Variants in SLC22A23 observed in about 807,000 individuals in gnomAD.
The protein encoded by SLC22A23 is solute carrier family 22 member 23, also known as ion transporter protein.
A neutral mutation model predicts 61.0 loss-of-function variants in SLC22A23; 26 were observed. The observed-to-expected ratio is 0.43, with a 90% CI of 0.31 to 0.59. The LOEUF is 0.59. Ranked by LOEUF, SLC22A23 falls within the 20% of genes least tolerant of loss-of-function variation. The pLI is 0.11. For synonymous variants in SLC22A23, 430 were observed against 413.9 expected (o/e 1.04, Z -0.47); for missense variants, 796 against 934.7 (o/e 0.85, Z 1.94).
Position 3,360,509 on chromosome 6 carries a change from C to A in SLC22A23, c.914-36507G>T, listed in dbSNP as rs1428101114. Among the ~76,000 whole-genome samples the A allele has an allele frequency of 1.3e-5, 2 of 152,248 alleles. No homozygotes were observed. Among genetic ancestry groups the A allele is most frequent in the Non-Finnish European group, 2.9e-5 (2 of 68,038 alleles). ...GTCTCATCTGCCTTAAAATACAGAA[C>A]TGCATTCTCATAGTCGGGTTTCAGG... On this transcript the variant is annotated intron_variant, in intron 3 of 9. Coordinates refer to ENST00000406686, the MANE Select transcript of SLC22A23 (RefSeq NM_015482.2). The surrounding 1 kb of genome is among the most constrained non-coding windows in gnomAD (Gnocchi z 4.6).
chr6:3,435,658 C>T (rs1271831011), intron 1 of SLC22A23, among the ~76,000 whole-genome samples: 2 of 152,184 alleles, frequency 1.3e-5, no homozygotes, highest in Admixed American at 6.5e-5. Context: ...TCCAGAGATG[C>T]GACTGCCTCC....
chr6:3,422,613 T>C (rs993706780), intron 1 of SLC22A23, among the ~76,000 whole-genome samples: 2 of 152,226 alleles, frequency 1.3e-5, no homozygotes, highest in Admixed American at 1.3e-4. Flanking sequence ...GGAGGTTTGC[T>C]GTCAACAGTA....
chr6:3,331,111 G>A (rs986992031), intron 3 of SLC22A23, among the ~76,000 whole-genome samples: 2 of 152,210 alleles, frequency 1.3e-5, no homozygotes, highest in African/African-American at 4.8e-5. Flanking sequence ...TACATGAGAG[G>A]ACCCTGAAAC....
intron 1 of SLC22A23, among the ~76,000 whole-genome samples, chr6:3,433,106 T>G (rs13206690): frequency 0.3 from 45,995 of 151,862 alleles, 8,060 homozygotes; most frequent in East Asian, 0.47. Flanking sequence ...GGAGGATAAA[T>G]AGGTCTTCAT....
intron 3 of SLC22A23, among the ~76,000 whole-genome samples, chr6:3,374,493 T>G (rs1406807755): frequency 6.6e-6 from 1 of 152,178 alleles, no homozygotes; most frequent in Admixed American, 6.5e-5. Context: ...GAGCCAGCAA[T>G]GAGGGCGACA....
At chr6:3,449,939 G>A (rs185087904) in intron 1 of SLC22A23, among the ~76,000 whole-genome samples, 21 of 152,338 alleles carry the variant, frequency 1.4e-4, no homozygotes, top group Admixed American at 1.2e-3. Flanking sequence ...AGTCCAGTCT[G>A]ACAATGGAAT....
At chr6:3,419,265 C>A (rs1769954657) in intron 1 of SLC22A23, among the ~76,000 whole-genome samples, 1 of 152,150 alleles carries the variant, frequency 6.6e-6, no homozygotes, top group Admixed American at 6.5e-5. Context: ...ATATCCTGAA[C>A]ATCCCATCCG....
intron 9 of SLC22A23, among the ~76,000 whole-genome samples, chr6:3,275,586 A>G (rs982583556): frequency 6.6e-6 from 1 of 152,222 alleles, no homozygotes; most frequent in African/African-American, 2.4e-5. Context: ...TGTAACTAGA[A>G]TATATAAAGA....
At chr6:3,282,190 C>G (rs1242617685) in intron 9 of SLC22A23, 1 of 702,302 alleles carries the variant, frequency 1.4e-6, no homozygotes, top group Non-Finnish European at 2.6e-6. Context: ...CTTGGCTTTG[C>G]TGTTTTGTTT....
Position 3,456,302 on chromosome 6 carries a change from G to C in SLC22A23, c.258C>G (p.Pro86=). 1 of 1,550,860 alleles carries C rather than the reference G, an allele frequency of 6.4e-7. No homozygotes were observed. Among genetic ancestry groups the C allele is most frequent in the Non-Finnish European group, 8.7e-7 (1 of 1,146,764 alleles). The part of the protein sequence containing the change: ...LLLDYDGSVL[P]FLGGLGGGYQ... ...AGCCCCCGCCCAGGCCCCCGAGGAA[G>C]GGCAGCACCGACCCGTCATAGTCCA... The change falls in exon 1 of 10, where the codon CCC becomes CCG. Residue 86 remains proline (P), a synonymous_variant. Transcript: ENST00000406686. The surrounding 1 kb of genome is among the most constrained non-coding windows in gnomAD (Gnocchi z 7.1).
chr6:3,336,866 A>G (rs559944342), intron 3 of SLC22A23, among the ~76,000 whole-genome samples: 26 of 148,374 alleles, frequency 1.8e-4, no homozygotes, highest in African/African-American at 6.3e-4. Flanking sequence ...GTGTGATCAC[A>G]GTTCACTGCA....
rs1316222818 is a variant in SLC22A23, at chr6:3,454,887, C to T, written c.654+1019G>A. 9.9e-5 allele frequency among the ~76,000 whole-genome samples: 15 copies of T among 152,238 alleles called. No individual in the cohort carries two copies. Among genetic ancestry groups the T allele is most frequent in the Non-Finnish European group, 1.5e-5 (1 of 68,044 alleles). On this transcript the variant is annotated intron_variant, in intron 1 of 9. Transcript: ENST00000406686. The surrounding 1 kb of genome is among the most constrained non-coding windows in gnomAD (Gnocchi z 4.3). ...TTGACTATTTAAAACTGTCCAATTT[C>T]ATACATTTCGACAAAGCATTTAAAA...
intron 6 of SLC22A23, among the ~76,000 whole-genome samples, chr6:3,288,381 G>A (rs1358116745): frequency 1.3e-5 from 2 of 152,354 alleles, no homozygotes; most frequent in South Asian, 4.1e-4. Context: ...CCCATAGGGG[G>A]AAGCCACCCC....
At chr6:3,425,422 C>T (rs1195228698) in intron 1 of SLC22A23, among the ~76,000 whole-genome samples, 1 of 151,254 alleles carries the variant, frequency 6.6e-6, no homozygotes, top group Non-Finnish European at 1.5e-5. Context: ...GTAGCTGAGA[C>T]TACAGGCGCC....
intron 3 of SLC22A23, among the ~76,000 whole-genome samples, chr6:3,393,258 T>A (rs1767783818): frequency 6.6e-6 from 1 of 152,154 alleles, no homozygotes; most frequent in South Asian, 2.1e-4. Context: ...TGCTTGGGGC[T>A]CATGTTTGGA....
chr6:3,332,657 T>A (rs1401365737), intron 3 of SLC22A23, among the ~76,000 whole-genome samples: 3 of 152,168 alleles, frequency 2.0e-5, no homozygotes, highest in African/African-American at 7.2e-5. Context: ...TACAAATATG[T>A]CTCTCCTAAA....
chr6:3,447,583 C>CTTTTTTTT (rs757788904), intron 1 of SLC22A23, among the ~76,000 whole-genome samples: 9 of 113,408 alleles, frequency 7.9e-5, no homozygotes, highest in African/African-American at 1.0e-4. Flanking sequence ...AAGAAACTTT[C>CTTTTTTTT]TTTTTTTTTT....
chr6:3,336,084 A>G (rs932268907), intron 3 of SLC22A23, among the ~76,000 whole-genome samples: 2 of 140,356 alleles, frequency 1.4e-5, no homozygotes, highest in Admixed American at 6.8e-5. Context: ...GCGAGACTCC[A>G]TCTCAAAAAA....
chr6:3,287,203 G>A, intron 6 of SLC22A23, 112 bp from the exon 7 acceptor site: 1 of 964,790 alleles, frequency 1.0e-6, no homozygotes, highest in Non-Finnish European at 1.6e-6. Context: ...GCAACTCAAT[G>A]TGTCATAGAA....
Sources: gnomAD v4.1 joint callset for allele counts (sites outside exome capture counted in the v4.1 genomes callset) on GRCh38, gnomAD v4.1.1 for gene constraint, Gnocchi (gnomAD v3.1) non-coding constraint, MANE v1.5 for transcripts, NCBI Gene and HGNC (gene_info 2026-07-23, HGNC 2026-07-21) for gene names.